CXXC5: variants seen among roughly 807,000 people sequenced by gnomAD.
CXXC5 encodes CXXC-type zinc finger protein 5.
Under a neutral mutation model 17.6 loss-of-function variants are expected in CXXC5, and 2 were observed. The ratio of observed to expected loss-of-function variants is 0.11; its 90% CI spans 0.05 to 0.36. The LOEUF (loss-of-function observed/expected upper bound fraction) is 0.36. Among genes scored for constraint, CXXC5 ranks in the 10% least tolerant of loss-of-function variants. The probability of loss-of-function intolerance (pLI) is 1.00; values close to 1 mark genes in which losing one functional copy is unlikely to be tolerated. For missense variants in CXXC5, 343 were observed against 458.3 expected, an observed-to-expected ratio of 0.75 and a Z score of 2.30; for synonymous variants, 171 against 193.0, an observed-to-expected ratio of 0.89 and a Z score of 0.94.
chr5:139,653,200 C>T (rs908486925), intron 1 of CXXC5, among the ~76,000 whole-genome samples: 1 of 152,204 alleles, frequency 6.6e-6, no homozygotes, highest in African/African-American at 2.4e-5. Context: ...TTGGAAGCCG[C>T]AGAGGGAGAC....
Position 139,664,307 on chromosome 5 carries a change from G to A in CXXC5, c.-161+15462G>A, listed in dbSNP as rs1412262501. On this transcript the variant is annotated intron_variant, in intron 1 of 2. Coordinates refer to ENST00000302517, the MANE Select transcript of CXXC5 (RefSeq NM_016463.9). ...TGGTTAGGCCTGTGGAAGCTGCCTC[G>A]GGGCCTGGTCAGGGTTGCGCACCTC... Among the ~76,000 whole-genome samples, 6 of 152,106 alleles carry A rather than the reference G, an allele frequency of 3.9e-5. No homozygotes were observed. In the South Asian group the frequency reaches 6.2e-4, roughly 16 times the overall value.
At chr5:139,657,483 C>A (rs1308184452) in intron 1 of CXXC5, among the ~76,000 whole-genome samples, 1 of 152,184 alleles carries the variant, frequency 6.6e-6, no homozygotes, top group Non-Finnish European at 1.5e-5. Context: ...GAATGAATGA[C>A]TGGATGACTG....
chr5:139,669,699 C>T (rs1756340479), intron 1 of CXXC5, among the ~76,000 whole-genome samples: 1 of 152,132 alleles, frequency 6.6e-6, no homozygotes, highest in Non-Finnish European at 1.5e-5. Flanking sequence ...CACCCATACT[C>T]ACGCTTTACT....
At chr5:139,682,288 A>T (rs1581638371) in intron 2 of CXXC5, among the ~76,000 whole-genome samples, 1 of 151,848 alleles carries the variant, frequency 6.6e-6, no homozygotes, top group East Asian at 1.9e-4. Context: ...CAACAGTGGT[A>T]TATCCCAGCC....
At chr5:139,672,967 A>G (rs987352288) in intron 1 of CXXC5, among the ~76,000 whole-genome samples, 16 of 152,148 alleles carry the variant, frequency 1.1e-4, no homozygotes, top group Non-Finnish European at 2.4e-4. Context: ...TGACTCGTGC[A>G]TCCCTGGACT....
chr5:139,682,924 A>C lies in CXXC5; in HGVS notation c.*17A>C. The stretch of plus-strand genomic sequence containing the variant: ...TTTCAGTGACGGCGGCGGAACCCAA[A>C]GCTGCCCTCTCCGTGCAATGTCACT... On this transcript the variant is annotated 3_prime_UTR_variant, in exon 3 of 3. Transcript: ENST00000302517. 2 of 1,580,134 alleles carry C rather than the reference A, an allele frequency of 1.3e-6. No homozygotes were observed. The highest frequency in any genetic ancestry group is 1.7e-6 in the Non-Finnish European group (2 of 1,160,484).
chr5:139,677,656 C>G (rs150070140), intron 1 of CXXC5, among the ~76,000 whole-genome samples: 4 of 152,228 alleles, frequency 2.6e-5, no homozygotes, highest in Non-Finnish European at 5.9e-5. Context: ...TGTTTGGTGA[C>G]ATATCACATC....
At chr5:139,654,106 C>T (rs1256649019) in intron 1 of CXXC5, among the ~76,000 whole-genome samples, 1 of 152,196 alleles carries the variant, frequency 6.6e-6, no homozygotes, top group Non-Finnish European at 1.5e-5. Context: ...GTACCCTCAC[C>T]TGGGGCTCCT....
chr5:139,657,067 T>A (rs530936369), intron 1 of CXXC5, among the ~76,000 whole-genome samples: 2 of 152,354 alleles, frequency 1.3e-5, no homozygotes, highest in African/African-American at 4.8e-5. Flanking sequence ...CCAGTGGTAA[T>A]GGGTAGCCCA....
intron 1 of CXXC5, among the ~76,000 whole-genome samples, chr5:139,664,787 C>T (rs1756008634): frequency 6.6e-6 from 1 of 152,194 alleles, no homozygotes; most frequent in South Asian, 2.1e-4. Context: ...GTTGGGCCAG[C>T]CTTCTTTTCA....
intron 1 of CXXC5, among the ~76,000 whole-genome samples, chr5:139,664,807 C>T (rs900081862): frequency 4.1e-4 from 63 of 152,186 alleles, no homozygotes; most frequent in African/African-American, 1.4e-3. Flanking sequence ...AGCCTCACCT[C>T]CACTGTCCAC....
In CXXC5 at chr5:139,680,481, T is replaced by C. The variant is rs779232132; in HGVS notation, c.-43T>C. The C allele has an allele frequency of 1.6e-5, 25 of 1,521,484 alleles. No individual in the cohort carries two copies. In the Admixed American group the frequency reaches 3.4e-4, roughly 21 times the overall value. 94.2% of individuals were successfully genotyped at this position (1,521,484 alleles called of 1,614,324 possible). On this transcript the variant is annotated 5_prime_UTR_variant, in exon 2 of 3. Transcript: ENST00000302517. ...TCCTGGTCTGTGGACCCTCGGCAGT[T>C]GGCAGGCTCCCTCTGCAGTGGGGTC... is the stretch of plus-strand genomic sequence containing the variant.
rs564980772 is a variant in CXXC5 at position 139,670,277 on chromosome 5, A to G, written c.-160-10087A>G. On this transcript the variant is annotated intron_variant, in intron 1 of 2. Coordinates refer to ENST00000302517, the MANE Select transcript of CXXC5 (RefSeq NM_016463.9). This position sits in a 1 kb window ranked among gnomAD's most constrained non-coding sequence, Gnocchi z 4.2. The stretch of plus-strand genomic sequence containing the variant: ...TTCCAGTTTTTTCCACGCTCAGGCC[A>G]GGCAGGCGGGTAGACACTGGCCAGA... Among the ~76,000 whole-genome samples the G allele has an allele frequency of 2.6e-5, 4 of 152,322 alleles. No individual in the cohort carries two copies. The East Asian group carries it at 7.7e-4, about 29-fold the overall frequency.
chr5:139,661,569 GGCACACATAGGCGT>G lies in CXXC5; in HGVS notation c.-161+12737_-161+12750del, dbSNP rs1354134425. Among the ~76,000 whole-genome samples the G allele has an allele frequency of 6.6e-6, 1 of 152,154 alleles. No homozygotes were observed. Among genetic ancestry groups the G allele is most frequent in the Non-Finnish European group, 1.5e-5 (1 of 68,026 alleles). ...GTACCTAGGCGAATGCACATACACA[GGCACACATAGGCGT>G]GCACACATAGGCCACTCTCACCCCA... On this transcript the variant is annotated intron_variant, in intron 1 of 2. Transcript: ENST00000302517. The surrounding 1 kb of genome is among the most constrained non-coding windows in gnomAD (Gnocchi z 4.7).
At position 139,663,005 on chromosome 5, in the gene CXXC5, G is replaced by A. The variant is rs1389639109; in HGVS notation, c.-161+14160G>A. Among the ~76,000 whole-genome samples, 2 of 152,156 alleles carry A rather than the reference G, an allele frequency of 1.3e-5. No individual in the cohort carries two copies. Among genetic ancestry groups the A allele is most frequent in the African/African-American group, 2.4e-5 (1 of 41,424 alleles). ...CACTAGACCTGGCATTTTTCTGGGG[G>A]TGGCATCCCACAACAAGGGCTCCTT... On this transcript the variant is annotated intron_variant, in intron 1 of 2. Transcript: ENST00000302517. This position sits in a 1 kb window ranked among gnomAD's most constrained non-coding sequence, Gnocchi z 4.2.
At position 139,680,515 on chromosome 5, in the gene CXXC5, G is replaced by T. The variant is rs769526450; in HGVS notation, c.-9G>T. The T allele has an allele frequency of 6.5e-7, 1 of 1,548,976 alleles. No individual in the cohort carries two copies. Among genetic ancestry groups the T allele is most frequent in the East Asian group, 2.4e-5 (1 of 41,078 alleles). On this transcript the variant is annotated 5_prime_UTR_variant, in exon 2 of 3. Transcript: ENST00000302517. ...CCCTCTGCAGTGGGGTCTGGGCCTC[G>T]GCCCCACCATGTCGAGCCTCGGCGG...
At chr5:139,667,966 G>C (rs965597317) in intron 1 of CXXC5, among the ~76,000 whole-genome samples, 1 of 152,176 alleles carries the variant, frequency 6.6e-6, no homozygotes, top group Non-Finnish European at 1.5e-5. Context: ...AGAAGTTGCA[G>C]TTCCTAATTA....
chr5:139,659,000 G>A lies in CXXC5; in HGVS notation c.-161+10155G>A, dbSNP rs1755634246. Among the ~76,000 whole-genome samples the A allele has an allele frequency of 6.6e-6, 1 of 152,156 alleles. No homozygotes were observed. Among genetic ancestry groups the A allele is most frequent in the Non-Finnish European group, 1.5e-5 (1 of 68,026 alleles). ...ACTCCTGAGGCAGAAAGTGTGGTGG[G>A]AGGCAAAGGAATAGTGAAGGGACCT... On this transcript the variant is annotated intron_variant, in intron 1 of 2. Transcript: ENST00000302517. The surrounding 1 kb of genome is among the most constrained non-coding windows in gnomAD (Gnocchi z 4.1).
chr5:139,678,154 T>G, intron 1 of CXXC5, among the ~76,000 whole-genome samples: 1 of 152,206 alleles, frequency 6.6e-6, no homozygotes, highest in East Asian at 1.9e-4. Context: ...GCAGATGAGC[T>G]TAGTTGGGCA....
Sources: gnomAD v4.1 joint callset for allele counts (sites outside exome capture counted in the v4.1 genomes callset) on GRCh38, gnomAD v4.1.1 for gene constraint, Gnocchi (gnomAD v3.1) non-coding constraint, MANE v1.5 for transcripts, NCBI Gene and HGNC (gene_info 2026-07-23, HGNC 2026-07-21) for gene names.